Variants in MLLT10 observed in about 807,000 individuals in gnomAD.
The protein encoded by MLLT10 is MLLT10 histone lysine methyltransferase DOT1L cofactor, also known as protein AF-10.
In MLLT10, 30 loss-of-function variants were observed where a neutral mutation model predicts 129.1. The ratio of observed to expected loss-of-function variants is 0.23; its 90% confidence interval spans 0.17 to 0.32. The LOEUF is 0.32. Ranked by LOEUF, MLLT10 falls within the 10% of genes least tolerant of loss-of-function variation. The pLI is 1.00. For synonymous variants in MLLT10, 490 were observed against 446.4 expected, an observed-to-expected ratio of 1.10 and a Z score of -1.23; for missense variants, 1,119 against 1,268.3, an observed-to-expected ratio of 0.88 and a Z score of 1.79.
intron 3 of MLLT10, 115 bp from the exon 4 acceptor site, chr10:21,586,179 G>A: frequency 1.3e-6 from 1 of 770,006 alleles, no homozygotes. Flanking sequence ...TTCTTGGGGG[G>A]CAACTAGGAC....
At chr10:21,544,962 A>G (rs2035841073) in intron 3 of MLLT10, among the ~76,000 whole-genome samples, 1 of 152,216 alleles carries the variant, frequency 6.6e-6, no homozygotes, top group South Asian at 2.1e-4. Context: ...CCTGACCAAC[A>G]TGGAGAAACT....
In MLLT10 at chr10:21,742,608, A is replaced by G. The variant is rs1373551570; in HGVS notation, c.*625A>G. The G allele has an allele frequency of 4.5e-6, 1 of 220,862 alleles. No homozygotes were observed. The highest frequency in any genetic ancestry group is 9.1e-6 in the Non-Finnish European group (1 of 110,424). 13.7% of individuals were successfully genotyped at this position (220,862 alleles called of 1,614,324 possible). On this transcript the variant is annotated 3_prime_UTR_variant, in exon 23 of 23. Transcript: ENST00000307729. ...GGTAATGTCTGCATCTGCTAAAGGT[A>G]ATTTTCTTTTGAGAATTGCTTTCTT...
At chr10:21,557,285 C>A in intron 3 of MLLT10, 1 of 640,790 alleles carries the variant, frequency 1.6e-6, no homozygotes, top group Non-Finnish European at 2.1e-6. Context: ...TGATATAACA[C>A]TTTCATCATG....
chr10:21,717,755 C>T (rs1180738506), intron 14 of MLLT10, among the ~76,000 whole-genome samples: 1 of 129,162 alleles, frequency 7.7e-6, no homozygotes, highest in Non-Finnish European at 1.6e-5. Flanking sequence ...CCTCTTCCTC[C>T]TCCTCCTCCT....
At chr10:21,703,949 A>G (rs2055175513) in intron 13 of MLLT10, among the ~76,000 whole-genome samples, 1 of 140,694 alleles carries the variant, frequency 7.1e-6, no homozygotes, top group Admixed American at 7.3e-5. Context: ...CAAGTTGTGA[A>G]TTTCTTCTGC....
rs146988779 is a variant in MLLT10 at position 21,557,539 on chromosome 10, C to G, written c.240+18627C>G. On this transcript the variant is annotated intron_variant, in intron 3 of 22. Transcript: ENST00000307729. ...ATATCATTATTAGTATATTTGTTCC[C>G]TCTTTCTCCTTCCGTGGGGTTTAGG... 189 of 152,862 alleles carry G rather than the reference C, an allele frequency of 1.2e-3. 1 individual carries two copies. Among genetic ancestry groups the G allele is most frequent in the Non-Finnish European group, 1.2e-3 (80 of 68,508 alleles). 9.5% of individuals were successfully genotyped at this position (152,862 alleles called of 1,614,324 possible).
rs192651404 is a variant in MLLT10, at chr10:21,695,545, C to T, written c.1699+13288C>T. Reference sequence around the variant, plus strand: ...CTTTTCTCACATTTAAAAAATGCATCCTCTTAGGTTCTTAATCATTTAAAA... The same window carrying T: ...CTTTTCTCACATTTAAAAAATGCATTCTCTTAGGTTCTTAATCATTTAAAA... On this transcript the variant is annotated intron_variant, in intron 13 of 22. Transcript: ENST00000307729. Among the ~76,000 whole-genome samples, 766 of 152,192 alleles carry T rather than the reference C, an allele frequency of 5.0e-3. 5 individuals carry two copies. Among genetic ancestry groups the T allele is most frequent in the Non-Finnish European group, 8.4e-3 (571 of 68,008 alleles).
At chr10:21,697,013 T>C (rs145485538) in intron 13 of MLLT10, among the ~76,000 whole-genome samples, 2 of 148,040 alleles carry the variant, frequency 1.4e-5, no homozygotes, top group East Asian at 4.0e-4. Flanking sequence ...GCTTCATCTT[T>C]GAGCATCTTA....
At chr10:21,681,144 C>T (rs1197841743) in intron 11 of MLLT10, among the ~76,000 whole-genome samples, 188 bp from the exon 12 acceptor site, 1 of 152,066 alleles carries the variant, frequency 6.6e-6, no homozygotes, top group East Asian at 1.9e-4. Context: ...TGTGAGAATT[C>T]TATTCTGTTT....
intron 13 of MLLT10, among the ~76,000 whole-genome samples, chr10:21,697,480 A>G (rs1589696783): frequency 2.0e-5 from 3 of 152,214 alleles, no homozygotes; most frequent in South Asian, 2.1e-4. Context: ...ACAAAAACCA[A>G]AAAAAGTTTG....
At chr10:21,551,686 A>G (rs911555916) in intron 3 of MLLT10, 1 of 286,748 alleles carries the variant, frequency 3.5e-6, no homozygotes, top group East Asian at 1.3e-4. Flanking sequence ...AAGAGAATTG[A>G]AAACATAGAT....
intron 8 of MLLT10, among the ~76,000 whole-genome samples, chr10:21,633,427 A>G (rs1301466589): frequency 6.6e-6 from 1 of 152,220 alleles, no homozygotes; most frequent in Non-Finnish European, 1.5e-5. Context: ...TTTTTAGGCC[A>G]GGCATAGTGG....
At chr10:21,566,935 TC>T (rs2039649196) in intron 3 of MLLT10, among the ~76,000 whole-genome samples, 1 of 152,132 alleles carries the variant, frequency 6.6e-6, no homozygotes, top group Non-Finnish European at 1.5e-5. Flanking sequence ...TGCCTCAGCC[TC>T]CCAAGTAGCT....
At chr10:21,566,690 A>T (rs1481011415) in intron 3 of MLLT10, among the ~76,000 whole-genome samples, 3 of 150,598 alleles carry the variant, frequency 2.0e-5, no homozygotes, top group African/African-American at 7.3e-5. Flanking sequence ...CATTTTTGGA[A>T]TTCCATTTTT....
chr10:21,622,220 C>A (rs553112043), intron 8 of MLLT10, among the ~76,000 whole-genome samples: 2 of 148,270 alleles, frequency 1.3e-5, no homozygotes, highest in East Asian at 4.0e-4. Context: ...TGCAGTGGCA[C>A]CACCATAGCT....
intron 8 of MLLT10, among the ~76,000 whole-genome samples, chr10:21,629,038 C>T (rs895188313): frequency 6.6e-6 from 1 of 151,894 alleles, no homozygotes; most frequent in Non-Finnish European, 1.5e-5. Context: ...GCTGCCACAC[C>T]CAGCCGCTGG....
At chr10:21,538,032 C>T (rs1347122360) in intron 2 of MLLT10, among the ~76,000 whole-genome samples, 1 of 151,666 alleles carries the variant, frequency 6.6e-6, no homozygotes, top group Admixed American at 6.6e-5. Flanking sequence ...ATAGGGTCTC[C>T]CTCTGTTGCC....
chr10:21,537,592 G>A (rs1187608423), intron 2 of MLLT10, among the ~76,000 whole-genome samples: 5 of 152,046 alleles, frequency 3.3e-5, no homozygotes, highest in African/African-American at 4.8e-5. Flanking sequence ...AGCCTCCCAA[G>A]TAGCTGGGGT....
intron 8 of MLLT10, among the ~76,000 whole-genome samples, chr10:21,640,059 C>CT (rs2047835078): frequency 6.6e-6 from 1 of 151,366 alleles, no homozygotes; most frequent in East Asian, 1.9e-4. Flanking sequence ...AGGCCAAATA[C>CT]TTTAACAAAA....
Sources: allele counts gnomAD v4.1 joint callset (sites outside exome capture counted in the v4.1 genomes callset), GRCh38; gene constraint gnomAD v4.1.1; transcripts MANE v1.5; gene names NCBI Gene and HGNC (gene_info 2026-07-23, HGNC 2026-07-21).